Variants in LRRC57 observed in about 807,000 individuals in gnomAD.
The protein encoded by LRRC57 is leucine-rich repeat-containing protein 57.
In LRRC57, 14 loss-of-function variants were observed where a neutral mutation model predicts 23.1. That is an observed-to-expected ratio of 0.61 (90% CI 0.40 to 0.95). The LOEUF (loss-of-function observed/expected upper bound fraction) is 0.95. Ranked by LOEUF, LRRC57 falls within the 40% of genes least tolerant of loss-of-function variation. The pLI is 0.00. For synonymous variants in LRRC57, 106 were observed against 115.2 expected (o/e 0.92, Z 0.51); for missense variants, 236 against 284.4 (o/e 0.83, Z 1.22).
rs942006937 is a variant in LRRC57 at position 42,542,233 on chromosome 15, G to C, written c.*1850C>G. Reference sequence around the variant, plus strand: ...CCAGCTAATTTTTGTATTTTTAGTAGAGATGGGGTATCACCACATTGGTCA... The same window carrying C: ...CCAGCTAATTTTTGTATTTTTAGTACAGATGGGGTATCACCACATTGGTCA... On this transcript the variant is annotated 3_prime_UTR_variant, in exon 6 of 6. Coordinates refer to ENST00000397130, the MANE Select transcript of LRRC57 (RefSeq NM_153260.3). 1 of 151,584 alleles carries C rather than the reference G, an allele frequency of 6.6e-6. No individual in the cohort carries two copies. Among genetic ancestry groups the C allele is most frequent in the Non-Finnish European group, 1.5e-5 (1 of 68,004 alleles). The allele number at this position is 151,584 out of a possible 1,614,324, so 9.4% of individuals were successfully genotyped here. A position where few individuals can be genotyped will look rare whatever the true frequency, so the allele number is the denominator to read the frequency against.
At chr15:42,530,551 G>T in the LRRC57 span, among the ~76,000 whole-genome samples, 1 of 152,098 alleles carries the variant, frequency 6.6e-6, no homozygotes, top group Non-Finnish European at 1.5e-5. Flanking sequence ...CTTGAGCTCA[G>T]GAGTTTGAGA....
At chr15:42,546,373 A>C (rs933082825) in intron 4 of LRRC57, among the ~76,000 whole-genome samples, 8 of 152,002 alleles carry the variant, frequency 5.3e-5, no homozygotes, top group African/African-American at 1.5e-4. Context: ...TCCTCAACTA[A>C]TACTTGCTGC....
Position 42,545,150 on chromosome 15 carries a change from T to G in LRRC57, c.605A>C (p.Gln202Pro). The stretch of plus-strand genomic sequence containing the variant: ...GCCTTCCACAGCAAGCAGACAGATC[T>G]GGGAATCACTGAGGATGCTCTGGGG... ...MLPQSILSDSQICLLAVEGNL... is the reference protein window; with the variant it reads ...MLPQSILSDSPICLLAVEGNL... The change falls in exon 5 of 6, where the codon CAG (glutamine) becomes CCG (proline). Residue 202 changes from glutamine to proline, a missense_variant. By Grantham distance (76) the Gln-to-Pro change is moderately conservative. Coordinates refer to ENST00000397130, the MANE Select transcript of LRRC57 (RefSeq NM_153260.3). 3 of 1,610,224 alleles carry G rather than the reference T, an allele frequency of 1.9e-6. No homozygotes were observed. The highest frequency in any genetic ancestry group is 2.5e-6 in the Non-Finnish European group (3 of 1,178,260).
the LRRC57 span, chr15:42,528,539 TA>T: frequency 9.7e-7 from 1 of 1,026,332 alleles, no homozygotes; most frequent in Non-Finnish European, 1.4e-6. Flanking sequence ...ATTCCATTTT[TA>T]AAATGCATTT....
intron 4 of LRRC57, among the ~76,000 whole-genome samples, chr15:42,546,964 G>A (rs975092858): frequency 2.0e-5 from 3 of 152,188 alleles, no homozygotes; most frequent in African/African-American, 7.2e-5. Flanking sequence ...TATATTTGAG[G>A]AGGATCTGAA....
downstream of LRRC57, among the ~76,000 whole-genome samples, chr15:42,536,969 C>CT (rs2057603373): frequency 6.6e-6 from 1 of 152,154 alleles, no homozygotes; most frequent in Non-Finnish European, 1.5e-5. Flanking sequence ...ATGCCTATTT[C>CT]TTTGCTTCAG....
At position 42,537,948 on chromosome 15, in the gene LRRC57, T is replaced by A. The variant is rs1193779822; in HGVS notation, c.*6135A>T. The stretch of plus-strand genomic sequence containing the variant: ...GAAGGAAGGTAGGTTAATGGGTAGA[T>A]ACAAACATACAGTTAGATAGAAGGA... On this transcript the variant is annotated 3_prime_UTR_variant, in exon 6 of 6. Coordinates refer to ENST00000397130, the MANE Select transcript of LRRC57 (RefSeq NM_153260.3). The A allele has an allele frequency of 6.6e-6, 1 of 152,130 alleles. No homozygotes were observed. Among genetic ancestry groups the A allele is most frequent in the Non-Finnish European group, 1.5e-5 (1 of 68,020 alleles). 9.4% of individuals were successfully genotyped at this position (152,130 alleles called of 1,614,324 possible). A position where few individuals can be genotyped will look rare whatever the true frequency, so the allele number is the denominator to read the frequency against.
chr15:42,540,571 T>C lies in LRRC57; in HGVS notation c.*3512A>G, dbSNP rs2057623605. 1 of 151,938 alleles carries C rather than the reference T, an allele frequency of 6.6e-6. No homozygotes were observed. The highest frequency in any genetic ancestry group is 1.5e-5 in the Non-Finnish European group (1 of 67,990). The allele number at this position is 151,938 out of a possible 1,614,324, so 9.4% of individuals were successfully genotyped here. On this transcript the variant is annotated 3_prime_UTR_variant, in exon 6 of 6. Coordinates refer to ENST00000397130, the MANE Select transcript of LRRC57 (RefSeq NM_153260.3). Reference sequence around the variant, plus strand: ...AAGGAGGTCAGAAAAGACTGCACTGTGGGTTTAGAGAGAATAATCTGATAT... The same window carrying C: ...AAGGAGGTCAGAAAAGACTGCACTGCGGGTTTAGAGAGAATAATCTGATAT...
At chr15:42,535,693 T>A (rs1300027630), downstream of LRRC57, among the ~76,000 whole-genome samples, 2 of 152,100 alleles carry the variant, frequency 1.3e-5, no homozygotes, top group African/African-American at 4.8e-5. Context: ...GGATTACAGG[T>A]GTGAGCCAAC....
rs2057612889 is a variant in LRRC57 at position 42,538,730 on chromosome 15, G to A, written c.*5353C>T. On this transcript the variant is annotated 3_prime_UTR_variant, in exon 6 of 6. Transcript: ENST00000397130. Reference sequence around the variant, plus strand: ...TTATATAGTTTTTTGCAACATACCTGAGAGGTAGGAGCTATTCCCTATATT... The same window carrying A: ...TTATATAGTTTTTTGCAACATACCTAAGAGGTAGGAGCTATTCCCTATATT... 1 of 152,212 alleles carries A rather than the reference G, an allele frequency of 6.6e-6. No homozygotes were observed. The highest frequency in any genetic ancestry group is 2.1e-4 in the South Asian group (1 of 4,828). The allele number at this position is 152,212 out of a possible 1,614,324, so 9.4% of individuals were successfully genotyped here.
Position 42,539,304 on chromosome 15 carries a change from C to T in LRRC57, c.*4779G>A, listed in dbSNP as rs2057615835. 6.6e-6 allele frequency: 1 copy of T among 151,234 alleles called. No individual in the cohort carries two copies. Among genetic ancestry groups the T allele is most frequent in the African/African-American group, 2.4e-5 (1 of 41,020 alleles). 9.4% of individuals were successfully genotyped at this position (151,234 alleles called of 1,614,324 possible). On this transcript the variant is annotated 3_prime_UTR_variant, in exon 6 of 6. Transcript: ENST00000397130. ...GATAAGCCTGGCTAACATAGTGAAA[C>T]CCCATTTTACTAAAAATACAAAAAT...
downstream of LRRC57, among the ~76,000 whole-genome samples, chr15:42,534,408 C>T (rs747244509): frequency 1.6e-4 from 25 of 152,260 alleles, no homozygotes; most frequent in Admixed American, 7.8e-4. Context: ...GGGTTACAGG[C>T]GTGAGCCACC....
rs1315923134 is a variant in LRRC57, at chr15:42,539,610, A to C, written c.*4473T>G. The C allele has an allele frequency of 6.6e-6, 1 of 151,980 alleles. No individual in the cohort carries two copies. Among genetic ancestry groups the C allele is most frequent in the African/African-American group, 2.4e-5 (1 of 41,362 alleles). 9.4% of individuals were successfully genotyped at this position (151,980 alleles called of 1,614,324 possible). A position where few individuals can be genotyped will look rare whatever the true frequency, so the allele number is the denominator to read the frequency against. On this transcript the variant is annotated 3_prime_UTR_variant, in exon 6 of 6. Transcript: ENST00000397130. The stretch of plus-strand genomic sequence containing the variant: ...AGACTAGCCCAGGCAACACAGCAAG[A>C]TCTGTCGCAAAAAAAGAAAAAAAAA...
At chr15:42,548,070 G>A (rs757084360) in intron 3 of LRRC57, 36 bp downstream of exon 3, 3 of 1,612,092 alleles carry the variant, frequency 1.9e-6, no homozygotes, top group Non-Finnish European at 2.5e-6. Context: ...GGTAACAGCT[G>A]ATCACTAGCA....
intron 2 of LRRC57, 51 bp from the exon 3 acceptor site, chr15:42,548,295 C>G: frequency 1.2e-6 from 2 of 1,613,758 alleles, no homozygotes; most frequent in Non-Finnish European, 8.5e-7. Context: ...CTAAGTTCGC[C>G]GCCCCCGCCG....
chr15:42,533,574 T>C (rs2057584496), downstream of LRRC57, among the ~76,000 whole-genome samples: 1 of 152,210 alleles, frequency 6.6e-6, no homozygotes, highest in Non-Finnish European at 1.5e-5. Context: ...AAAAAAAATT[T>C]TAGCACTGTT....
At position 42,543,923 on chromosome 15, in the gene LRRC57, C is replaced by A; in HGVS notation, c.*160G>T. The A allele has an allele frequency of 3.7e-6, 2 of 539,822 alleles. No homozygotes were observed. Among genetic ancestry groups the A allele is most frequent in the Middle Eastern group, 3.7e-4 (1 of 2,708 alleles). 33.4% of individuals were successfully genotyped at this position (539,822 alleles called of 1,614,324 possible). ...TTTCTTTTAGCTTATTTGAGAAGAG[C>A]CCTGAAATGAGAAAAGATCATTGAG... On this transcript the variant is annotated 3_prime_UTR_variant, in exon 6 of 6. Transcript: ENST00000397130.
chr15:42,530,353 T>TA, the LRRC57 span, among the ~76,000 whole-genome samples: 1 of 152,230 alleles, frequency 6.6e-6, no homozygotes, highest in African/African-American at 2.4e-5. Flanking sequence ...ACACACGAAA[T>TA]AGAGTCATGT....
At chr15:42,537,268 C>T (rs190868090), downstream of LRRC57, among the ~76,000 whole-genome samples, 43 of 151,676 alleles carry the variant, frequency 2.8e-4, no homozygotes, top group East Asian at 6.0e-3. Context: ...CACACACGCA[C>T]GCACACATGG....
Sources: gnomAD v4.1 joint callset for allele counts (sites outside exome capture counted in the v4.1 genomes callset) on GRCh38, gnomAD v4.1.1 for gene constraint, MANE v1.5 for transcripts, NCBI Gene and HGNC (gene_info 2026-07-23, HGNC 2026-07-21) for gene names.